Variants in PDK1 observed in about 807,000 individuals in gnomAD.
The protein encoded by PDK1 is [Pyruvate dehydrogenase (acetyl-transferring)] kinase isozyme 1, mitochondrial.
Under a neutral mutation model 54.2 loss-of-function variants are expected in PDK1, and 39 were observed. That is an observed-to-expected ratio of 0.72 (90% CI 0.56 to 0.94). The LOEUF (loss-of-function observed/expected upper bound fraction) is 0.94. Among genes scored for constraint, PDK1 ranks in the 40% least tolerant of loss-of-function variants. PDK1 has a pLI of 0.00. For synonymous variants in PDK1, 221 were observed against 207.1 expected, an observed-to-expected ratio of 1.07 and a Z score of -0.58; for missense variants, 552 against 566.0, an observed-to-expected ratio of 0.98 and a Z score of 0.25.
At chr2:172,568,241 T>C (rs1328171464) in intron 6 of PDK1, among the ~76,000 whole-genome samples, 1 of 150,176 alleles carries the variant, frequency 6.7e-6, no homozygotes, top group Non-Finnish European at 1.5e-5. Flanking sequence ...GGCAGGAGAA[T>C]TGCTTGAACC....
chr2:172,573,625 ATTCTATGTGTGTG>A (rs1689414990), intron 8 of PDK1, among the ~76,000 whole-genome samples: 5 of 150,356 alleles, frequency 3.3e-5, no homozygotes, highest in African/African-American at 4.9e-5. Flanking sequence ...GTGTGTATAT[ATTCTATGTGTGTG>A]TATATATATA....
chr2:172,564,768 TTAGG>T (rs10531054), intron 4 of PDK1, 81 bp downstream of exon 4: 317,811 of 1,247,478 alleles, frequency 0.25, 44,210 homozygotes, highest in Middle Eastern at 0.3. Context: ...AAAGTTCCAT[TTAGG>T]TAGGAAATTT....
chr2:172,626,967 C>A, the PDK1 span, among the ~76,000 whole-genome samples: 1 of 152,086 alleles, frequency 6.6e-6, no homozygotes, highest in East Asian at 1.9e-4. Flanking sequence ...TCAATTTCTA[C>A]AGAAAAGAAA....
At chr2:172,623,409 A>G in the PDK1 span, among the ~76,000 whole-genome samples, 1 of 152,174 alleles carries the variant, frequency 6.6e-6, no homozygotes, top group African/African-American at 2.4e-5. Context: ...GTGAATTGCC[A>G]CTTTTTGTTT....
chr2:172,688,982 G>C, the PDK1 span, among the ~76,000 whole-genome samples: 1 of 152,212 alleles, frequency 6.6e-6, no homozygotes, highest in Non-Finnish European at 1.5e-5. Flanking sequence ...GACCCAAAGA[G>C]TGAGCAGCAG....
the PDK1 span, among the ~76,000 whole-genome samples, chr2:172,642,850 TCTCCTCCTTCTCCTC>T: frequency 6.5e-4 from 94 of 143,998 alleles, no homozygotes; most frequent in Non-Finnish European, 9.7e-4. Flanking sequence ...TCCTTCTCCT[TCTCCTCCTTCTCCTC>T]CTCCTCCTCC....
the PDK1 span, among the ~76,000 whole-genome samples, chr2:172,690,839 T>TG: frequency 2.2e-5 from 1 of 46,142 alleles, no homozygotes; most frequent in African/African-American, 8.6e-5. Context: ...CATCACACAC[T>TG]GGGGCCTGTT....
the PDK1 span, among the ~76,000 whole-genome samples, chr2:172,713,937 A>G: frequency 1.3e-5 from 2 of 152,196 alleles, no homozygotes; most frequent in Non-Finnish European, 2.9e-5. Context: ...TTTTTTCCTC[A>G]CAAGAGCTGC....
chr2:172,715,849 G>A, the PDK1 span, among the ~76,000 whole-genome samples: 1 of 152,144 alleles, frequency 6.6e-6, no homozygotes, highest in Admixed American at 6.5e-5. Context: ...AAGATACTTT[G>A]AAGGGCTAGA....
the PDK1 span, among the ~76,000 whole-genome samples, chr2:172,627,135 A>T: frequency 6.6e-6 from 1 of 152,250 alleles, no homozygotes; most frequent in East Asian, 1.9e-4. Context: ...GGATTGAATG[A>T]TGCACACGGC....
chr2:172,637,747 G>C, the PDK1 span, among the ~76,000 whole-genome samples: 10 of 152,154 alleles, frequency 6.6e-5, no homozygotes, highest in Non-Finnish European at 1.0e-4. Context: ...CCAGGCTAGA[G>C]TGTAGTGGCG....
At chr2:172,625,761 A>G in the PDK1 span, among the ~76,000 whole-genome samples, 2 of 152,206 alleles carry the variant, frequency 1.3e-5, no homozygotes, top group Non-Finnish European at 2.9e-5. Flanking sequence ...GATTTGAGGT[A>G]TAAAGACTCT....
the PDK1 span, among the ~76,000 whole-genome samples, chr2:172,690,080 A>G: frequency 6.6e-6 from 1 of 150,494 alleles, no homozygotes; most frequent in African/African-American, 2.4e-5. Flanking sequence ...AGAATGGGAG[A>G]AAATTTTTGC....
chr2:172,556,185 T>TGGGC lies in PDK1; in HGVS notation c.37_38insGCGG (p.Ala13GlyfsTer61). 1 of 1,421,058 alleles carries TGGGC rather than the reference T, an allele frequency of 7.0e-7. No individual in the cohort carries two copies. Among genetic ancestry groups the TGGGC allele is most frequent in the Non-Finnish European group, 9.1e-7 (1 of 1,094,200 alleles). 88.0% of individuals were successfully genotyped at this position (1,421,058 alleles called of 1,614,324 possible). ...GCGCGGCTGCTTCGCGGAGCCGCCT[T>TGGGC]GGCCGGCCCGGGCCCGGGGCTGCGC... On this transcript the variant is annotated frameshift_variant, in exon 1 of 11. Transcript: ENST00000282077. LOFTEE classifies it high-confidence loss of function.
chr2:172,571,681 G>A (rs1689266009), intron 8 of PDK1, among the ~76,000 whole-genome samples: 1 of 152,076 alleles, frequency 6.6e-6, no homozygotes, highest in Non-Finnish European at 1.5e-5. Flanking sequence ...TCCAGTTTAA[G>A]AGTATGATAG....
At chr2:172,613,416 A>C (rs534250776), downstream of PDK1, among the ~76,000 whole-genome samples, 1 of 152,330 alleles carries the variant, frequency 6.6e-6, no homozygotes, top group South Asian at 2.1e-4. Context: ...GGAGAAGACA[A>C]ATAGTAAAAT....
chr2:172,654,799 C>G, the PDK1 span, among the ~76,000 whole-genome samples: 2 of 152,042 alleles, frequency 1.3e-5, no homozygotes, highest in African/African-American at 2.4e-5. Context: ...CACTCTGCCT[C>G]GTGGAAAACC....
At chr2:172,711,203 T>C in the PDK1 span, among the ~76,000 whole-genome samples, 1 of 152,210 alleles carries the variant, frequency 6.6e-6, no homozygotes, top group Admixed American at 6.5e-5. Context: ...GCATTAATAG[T>C]GACATAAAGA....
intron 5 of PDK1, among the ~76,000 whole-genome samples, chr2:172,565,501 A>G (rs1291695770): frequency 6.6e-6 from 1 of 152,022 alleles, no homozygotes; most frequent in African/African-American, 2.4e-5. Context: ...GCAGGGTTTT[A>G]CCATGTTGGC....
Sources: allele counts gnomAD v4.1 joint callset (sites outside exome capture counted in the v4.1 genomes callset), GRCh38; gene constraint gnomAD v4.1.1; transcripts MANE v1.5; gene names NCBI Gene and HGNC (gene_info 2026-07-23, HGNC 2026-07-21).